The following DSG1 variants were observed in gnomAD, a reference collection of about 807,000 sequenced individuals.
The protein encoded by DSG1 is desmoglein 1.
A neutral mutation model predicts 97.5 loss-of-function variants in DSG1; 39 were observed. The observed-to-expected ratio is 0.40, with a 90% CI of 0.31 to 0.52. The LOEUF (loss-of-function observed/expected upper bound fraction) is 0.52. Ranked by LOEUF, DSG1 falls within the 20% of genes least tolerant of loss-of-function variation. The pLI, the probability that DSG1 is intolerant of heterozygous loss-of-function variation, is 0.53. For missense variants in DSG1, 1,311 were observed against 1,295.4 expected (o/e 1.01, Z -0.18); for synonymous variants, 475 against 443.4 (o/e 1.07, Z -0.90).
At chr18:31,323,917 T>C (rs565972233) in intron 1 of DSG1, among the ~76,000 whole-genome samples, 4 of 151,944 alleles carry the variant, frequency 2.6e-5, no homozygotes, top group Admixed American at 1.3e-4. Flanking sequence ...TAATGCATTA[T>C]ATTTTCCTAT....
chr18:31,338,555 A>G (rs896218950), intron 10 of DSG1, 101 bp downstream of exon 10: 102 of 1,344,168 alleles, frequency 7.6e-5, no homozygotes, highest in Non-Finnish European at 9.9e-5. Flanking sequence ...CCCCTTTCCA[A>G]CAAAAGTTGT....
intron 1 of DSG1, among the ~76,000 whole-genome samples, chr18:31,323,285 A>G (rs2071664900): frequency 6.6e-6 from 1 of 152,128 alleles, no homozygotes; most frequent in African/African-American, 2.4e-5. Context: ...ATTGTCAGAA[A>G]ATAACCTCAC....
rs2071778924 is a variant in DSG1 at position 31,339,997 on chromosome 18, C to T, written c.1659C>T (p.Leu553=). The T allele has an allele frequency of 1.2e-6, 2 of 1,613,918 alleles. No individual in the cohort carries two copies. Among genetic ancestry groups the T allele is most frequent in the Admixed American group, 3.3e-5 (2 of 59,996 alleles). Residue 553 remains leucine (L), a synonymous_variant, in exon 11 of 15, where the codon CTC becomes CTT. Coordinates refer to ENST00000257192, the MANE Select transcript of DSG1 (RefSeq NM_001942.4). ...NVHFGPAGIG[L]LIMGFLVLGL... ...ATTTTGGTCCTGCTGGCATTGGACT[C>T]CTCATCATGGGATTCTTGGTCTTAG... is the stretch of plus-strand genomic sequence containing the variant.
In DSG1 at chr18:31,357,055, A is replaced by G. The variant is rs557766486; in HGVS notation, c.*1709A>G. The G allele has an allele frequency of 6.6e-6, 1 of 152,236 alleles. No individual in the cohort carries two copies. Among genetic ancestry groups the G allele is most frequent in the Non-Finnish European group, 1.5e-5 (1 of 67,962 alleles). The allele number at this position is 152,236 out of a possible 1,614,324, so 9.4% of individuals were successfully genotyped here. ...GTTGTGAATTATATACAACTTTTAA[A>G]GAATTTACCCCAATTACTCAAATTT... is the stretch of plus-strand genomic sequence containing the variant. On this transcript the variant is annotated 3_prime_UTR_variant, in exon 15 of 15. Coordinates refer to ENST00000257192, the MANE Select transcript of DSG1 (RefSeq NM_001942.4).
At chr18:31,335,900 T>C (rs182500449) in intron 8 of DSG1, among the ~76,000 whole-genome samples, 16 of 151,552 alleles carry the variant, frequency 1.1e-4, no homozygotes, top group Admixed American at 2.0e-4. Context: ...CACTTACAGA[T>C]GTGAAATTTC....
chr18:31,350,524 A>C (rs1598715031), intron 14 of DSG1, among the ~76,000 whole-genome samples: 1 of 150,324 alleles, frequency 6.7e-6, no homozygotes, highest in African/African-American at 2.5e-5. Flanking sequence ...TATTGATTGG[A>C]ATAGTTTCAG....
chr18:31,335,456 G>A (rs2144097681), intron 8 of DSG1, among the ~76,000 whole-genome samples: 1 of 152,038 alleles, frequency 6.6e-6, no homozygotes, highest in African/African-American at 2.4e-5. Context: ...TCTGTAAAAT[G>A]GGAATGATAA....
At position 31,355,097 on chromosome 18, in the gene DSG1, C is replaced by T; in HGVS notation, c.2901C>T (p.Thr967=). ...CTGGCGTAACTGGAATTAGTGGCAC[C>T]ACTGGGATCAGCGGTGGCATAGGCA... The part of the protein sequence containing the change: ...SGAGVTGISG[T]TGISGGIGSS... The change falls in exon 15 of 15, where the codon ACC becomes ACT. Residue 967 remains threonine, a synonymous_variant. Transcript: ENST00000257192. 1 of 1,614,118 alleles carries T rather than the reference C, an allele frequency of 6.2e-7. No individual in the cohort carries two copies. Among genetic ancestry groups the T allele is most frequent in the Non-Finnish European group, 8.5e-7 (1 of 1,179,984 alleles).
chr18:31,346,280 C>G, intron 14 of DSG1, 82 bp downstream of exon 14: 3 of 1,183,138 alleles, frequency 2.5e-6, no homozygotes, highest in Non-Finnish European at 2.5e-6. Flanking sequence ...CCTAAAGGGG[C>G]TTTGGCAGGA....
chr18:31,341,596 C>G (rs777670966), intron 11 of DSG1, among the ~76,000 whole-genome samples: 8 of 152,096 alleles, frequency 5.3e-5, no homozygotes, highest in Non-Finnish European at 8.8e-5. Flanking sequence ...TTTATTCTTA[C>G]TGGCTCATAA....
At position 31,318,367 on chromosome 18, in the gene DSG1, A is replaced by C. The variant is rs777577111; in HGVS notation, c.48+19A>C. On this transcript the variant is annotated intron_variant, in intron 1 of 14. Coordinates refer to ENST00000257192, the MANE Select transcript of DSG1 (RefSeq NM_001942.4). Reference sequence around the variant, plus strand: ...TTTTCTGGTGAGTGGATTCTGGTAAAAGTCCTTCATAATCGTGCCCATTGT... The same window carrying C: ...TTTTCTGGTGAGTGGATTCTGGTAACAGTCCTTCATAATCGTGCCCATTGT... 3 of 1,607,194 alleles carry C rather than the reference A, an allele frequency of 1.9e-6. No homozygotes were observed. In the Admixed American group the frequency reaches 5.0e-5, roughly 27 times the overall value.
rs775557686 is a variant in DSG1 at position 31,354,999 on chromosome 18, G to A, written c.2803G>A (p.Gly935Ser). Residue 935 changes from glycine to serine, a missense_variant, in exon 15 of 15, where the codon GGT becomes AGT. Gly to Ser is a moderately conservative substitution (Grantham distance 56). Transcript: ENST00000257192. ...AATCCAACCAACTTCCGGCATGATAGGTAGTCTGAGTATGCACCCCGAGTT... is the reference window on the plus strand; with the variant it reads ...AATCCAACCAACTTCCGGCATGATAAGTAGTCTGAGTATGCACCCCGAGTT... ...RVIQPTSGMI[G>S]SLSMHPELAN... The A allele has an allele frequency of 3.7e-6, 6 of 1,614,112 alleles. No homozygotes were observed. In the African/African-American group the frequency reaches 4.0e-5, roughly 11 times the overall value.
chr18:31,336,127 T>C (rs900077019), intron 8 of DSG1, among the ~76,000 whole-genome samples: 4 of 152,168 alleles, frequency 2.6e-5, no homozygotes, highest in African/African-American at 9.6e-5. Context: ...TCATATGTTT[T>C]CAACTTTTTA....
intron 14 of DSG1, 88 bp from the exon 15 acceptor site, chr18:31,354,209 T>C (rs2071929908): frequency 8.6e-7 from 1 of 1,162,922 alleles, no homozygotes; most frequent in South Asian, 1.3e-5. Context: ...TTGGAAATGC[T>C]CTGGAAGAAA....
At chr18:31,345,945 A>T (rs762429447) in intron 13 of DSG1, 45 bp from the exon 14 acceptor site, 89 of 1,527,944 alleles carry the variant, frequency 5.8e-5, no homozygotes, top group Non-Finnish European at 7.8e-5. Flanking sequence ...TTTTTAGTTT[A>T]TGATAGACTA....
Position 31,355,238 on chromosome 18 carries a change from C to T in DSG1, c.3042C>T (p.His1014=). ...TGGGAGGGACAGCCAGCATTGGCCA[C>T]ATGAGGAGTTCCTCTGACCATCACT... ...SSLGGTASIG[H]MRSSSDHHFN... is the part of the protein sequence containing the mutation. Residue 1014 remains histidine, a synonymous_variant, in exon 15 of 15, where the codon CAC becomes CAT. Transcript: ENST00000257192. The T allele has an allele frequency of 6.2e-7, 1 of 1,609,628 alleles. No homozygotes were observed. The highest frequency in any genetic ancestry group is 8.5e-7 in the Non-Finnish European group (1 of 1,177,088).
At chr18:31,329,404 A>G (rs1203359399) in intron 4 of DSG1, among the ~76,000 whole-genome samples, 1 of 152,036 alleles carries the variant, frequency 6.6e-6, no homozygotes, top group East Asian at 1.9e-4. Context: ...TTCCTCACAC[A>G]ACTTTAATTC....
chr18:31,342,898 A>ATTTTTTTTTTTTT (rs57090132), intron 11 of DSG1, among the ~76,000 whole-genome samples: 1 of 82,804 alleles, frequency 1.2e-5, no homozygotes. Context: ...ACTATCTGTG[A>ATTTTTTTTTTTTT]TTTTTTTTTT....
chr18:31,321,096 GAAAC>G (rs1218252839), intron 1 of DSG1, among the ~76,000 whole-genome samples: 2 of 146,734 alleles, frequency 1.4e-5, no homozygotes, highest in South Asian at 2.3e-4. Context: ...ATTTCATTTC[GAAAC>G]AAACAAACAA....
Sources: gnomAD v4.1 joint callset for allele counts (sites outside exome capture counted in the v4.1 genomes callset) on GRCh38, gnomAD v4.1.1 for gene constraint, MANE v1.5 for transcripts, NCBI Gene and HGNC (gene_info 2026-07-23, HGNC 2026-07-21) for gene names.